RNF13: variants seen among roughly 807,000 people sequenced by gnomAD.
The protein encoded by RNF13 is ring finger protein 13.
Under a neutral mutation model 37.7 loss-of-function variants are expected in RNF13, and 19 were observed. The ratio of observed to expected loss-of-function variants is 0.50; its 90% confidence interval spans 0.35 to 0.74. The LOEUF (loss-of-function observed/expected upper bound fraction) is 0.74. Among genes scored for constraint, RNF13 ranks in the 30% least tolerant of loss-of-function variants. The pLI, the probability that RNF13 is intolerant of heterozygous loss-of-function variation, is 0.01. For missense variants in RNF13, 375 were observed against 453.0 expected, an observed-to-expected ratio of 0.83 and a Z score of 1.56; for synonymous variants, 144 against 157.8, an observed-to-expected ratio of 0.91 and a Z score of 0.65.
At chr3:149,945,577 C>T (rs1052394265) in intron 8 of RNF13, among the ~76,000 whole-genome samples, 2 of 152,164 alleles carry the variant, frequency 1.3e-5, no homozygotes, top group Admixed American at 1.3e-4. Flanking sequence ...TAGTGGTTCT[C>T]CCAGCACGCA....
chr3:149,860,256 T>TAAAAAAAAAAAAAAAAA (rs764889596), intron 3 of RNF13, among the ~76,000 whole-genome samples: 1 of 57,848 alleles, frequency 1.7e-5, no homozygotes, highest in African/African-American at 6.6e-5. Context: ...AGACTCCATC[T>TAAAAAAAAAAAAAAAAA]AAAAAAAAAA....
intron 8 of RNF13, among the ~76,000 whole-genome samples, chr3:149,941,091 C>T (rs923973492): frequency 1.1e-4 from 17 of 152,084 alleles, no homozygotes; most frequent in African/African-American, 3.9e-4. Flanking sequence ...CTTTTCCATT[C>T]GTTGTCAATA....
At chr3:149,888,818 A>T (rs185320951) in intron 4 of RNF13, among the ~76,000 whole-genome samples, 1 of 152,360 alleles carries the variant, frequency 6.6e-6, no homozygotes, top group East Asian at 1.9e-4. Context: ...TCCCAGAGAA[A>T]CAATGAAGTA....
In RNF13 at chr3:149,895,557, G is replaced by T; in HGVS notation, c.406G>T (p.Asp136Tyr). ...TGACCTCATTAGCATGGGATCCAAC[G>T]ACAGTAAGTACAGGTATCACTTTTC... ...SDDLISMGSN[D>Y]IEVLKKIDIP... Residue 136 changes from aspartate (D) to tyrosine (Y), a missense_variant, in exon 5 of 10, where the codon GAC (aspartate) becomes TAC (tyrosine). Asp to Tyr is a radical substitution (Grantham distance 160, BLOSUM62 -3). Coordinates refer to ENST00000392894, the MANE Select transcript of RNF13 (RefSeq NM_183381.3). The T allele has an allele frequency of 1.3e-6, 2 of 1,580,636 alleles. No homozygotes were observed. The highest frequency in any genetic ancestry group is 1.1e-5 in the South Asian group (1 of 89,472).
chr3:149,853,489 AG>A (rs1196059341), intron 3 of RNF13, among the ~76,000 whole-genome samples: 14 of 150,302 alleles, frequency 9.3e-5, no homozygotes, highest in Non-Finnish European at 1.5e-5. Context: ...AGAGAGAGAG[AG>A]AGAGAGAGAG....
chr3:149,899,301 G>T (rs1454141541), intron 5 of RNF13, among the ~76,000 whole-genome samples: 1 of 152,008 alleles, frequency 6.6e-6, no homozygotes, highest in Admixed American at 6.6e-5. Context: ...TAAAAAATTA[G>T]CCAGGTGTGG....
At chr3:149,862,294 A>G (rs1724341341) in intron 3 of RNF13, among the ~76,000 whole-genome samples, 1 of 152,114 alleles carries the variant, frequency 6.6e-6, no homozygotes, top group Non-Finnish European at 1.5e-5. Context: ...ATAACAGAGC[A>G]TCCTGTATAT....
intron 8 of RNF13, among the ~76,000 whole-genome samples, chr3:149,948,935 A>G (rs1721038862): frequency 6.6e-6 from 1 of 152,102 alleles, no homozygotes; most frequent in Admixed American, 6.6e-5. Context: ...GACTGAGGCA[A>G]GAGGATGGCT....
chr3:149,890,638 G>A (rs1014518495), intron 4 of RNF13, among the ~76,000 whole-genome samples: 1 of 152,178 alleles, frequency 6.6e-6, no homozygotes, highest in Non-Finnish European at 1.5e-5. Flanking sequence ...CTAGTTCCCA[G>A]AGTCTGTACT....
intron 3 of RNF13, among the ~76,000 whole-genome samples, chr3:149,855,466 T>C (rs905582857): frequency 1.2e-4 from 18 of 151,782 alleles, no homozygotes; most frequent in African/African-American, 3.1e-4. Flanking sequence ...TCATAGTTTA[T>C]TAGTAATTTC....
chr3:149,822,891 T>G (rs1576712408), intron 1 of RNF13, among the ~76,000 whole-genome samples: 1 of 152,160 alleles, frequency 6.6e-6, no homozygotes, highest in East Asian at 1.9e-4. Flanking sequence ...GAACAGAAGC[T>G]AATTTGAATA....
intron 8 of RNF13, among the ~76,000 whole-genome samples, chr3:149,933,221 C>T (rs1041457999): frequency 1.3e-5 from 2 of 151,644 alleles, no homozygotes; most frequent in African/African-American, 4.8e-5. Context: ...TTCTTTCCTC[C>T]TAGGCCTCTG....
intron 8 of RNF13, among the ~76,000 whole-genome samples, chr3:149,958,673 A>G (rs962325910): frequency 3.3e-5 from 5 of 152,228 alleles, no homozygotes; most frequent in Admixed American, 2.0e-4. Context: ...ATTGAATTGC[A>G]TAACTATCTG....
chr3:149,921,672 G>A (rs1718143672), intron 8 of RNF13, among the ~76,000 whole-genome samples: 1 of 152,184 alleles, frequency 6.6e-6, no homozygotes, highest in Non-Finnish European at 1.5e-5. Flanking sequence ...TGGTGTATAT[G>A]TGCCACATTT....
intron 8 of RNF13, among the ~76,000 whole-genome samples, chr3:149,927,724 G>T (rs1718786533): frequency 6.6e-6 from 1 of 152,158 alleles, no homozygotes. Context: ...ATGATGTTGA[G>T]CATCTTTTCT....
intron 8 of RNF13, among the ~76,000 whole-genome samples, chr3:149,944,491 C>A (rs1375401043): frequency 6.6e-6 from 1 of 152,166 alleles, no homozygotes; most frequent in Admixed American, 6.5e-5. Context: ...TGTTTCCTGA[C>A]TTTTTAATGA....
chr3:149,844,464 A>G (rs1722456471), intron 1 of RNF13, among the ~76,000 whole-genome samples: 1 of 152,184 alleles, frequency 6.6e-6, no homozygotes, highest in Admixed American at 6.5e-5. Context: ...AGGGGTTGTT[A>G]ATATAGACAC....
At chr3:149,835,014 G>A (rs542624373) in intron 1 of RNF13, among the ~76,000 whole-genome samples, 16 of 152,184 alleles carry the variant, frequency 1.1e-4, no homozygotes, top group African/African-American at 3.9e-4. Context: ...ATATGCAACA[G>A]TTAACTCAAA....
intron 8 of RNF13, among the ~76,000 whole-genome samples, chr3:149,945,349 C>T (rs890737292): frequency 1.6e-4 from 24 of 151,860 alleles, no homozygotes; most frequent in Admixed American, 2.6e-4. Flanking sequence ...AACTGCAAGG[C>T]GGCAGCAAGG....
Sources: gnomAD v4.1 joint callset for allele counts (sites outside exome capture counted in the v4.1 genomes callset) on GRCh38, gnomAD v4.1.1 for gene constraint, MANE v1.5 for transcripts, NCBI Gene and HGNC (gene_info 2026-07-23, HGNC 2026-07-21) for gene names.